Variants in PLCH2 observed in about 807,000 individuals in gnomAD.
PLCH2 encodes phospholipase C eta 2.
A neutral mutation model predicts 134.7 loss-of-function variants in PLCH2; 98 were observed. The observed-to-expected ratio is 0.73, with a 90% CI of 0.62 to 0.86. The LOEUF (loss-of-function observed/expected upper bound fraction) is 0.86. Ranked by LOEUF, PLCH2 falls within the 40% of genes least tolerant of loss-of-function variation. The pLI is 0.00. For missense variants in PLCH2, 1,994 were observed against 1,986.6 expected, an observed-to-expected ratio of 1.00 and a Z score of -0.07; for synonymous variants, 974 against 827.5, an observed-to-expected ratio of 1.18 and a Z score of -3.04.
intron 1 of PLCH2, among the ~76,000 whole-genome samples, chr1:2,477,932 G>C (rs945248009): frequency 6.6e-6 from 1 of 152,216 alleles, no homozygotes; most frequent in Non-Finnish European, 1.5e-5. Flanking sequence ...CCAGGGGCGG[G>C]GGCAGGGGCA....
rs937704679 is a variant in PLCH2, at chr1:2,503,258, C to T, written c.2960-664C>T. ...TTCCCCAAACTCACCTCCTGGGCGG[C>T]TGGCGACCTGCATGGCCCCTGATGC... On this transcript the variant is annotated intron_variant, in intron 21 of 21. Coordinates refer to ENST00000378486, the MANE Select transcript of PLCH2 (RefSeq NM_014638.4). 1.6e-5 allele frequency: 9 copies of T among 559,514 alleles called. No individual in the cohort carries two copies. In the South Asian group the frequency reaches 1.8e-4, roughly 11 times the overall value. The allele number at this position is 559,514 out of a possible 1,614,324, so 34.7% of individuals were successfully genotyped here. A position where few individuals can be genotyped will look rare whatever the true frequency, so the allele number is the denominator to read the frequency against.
upstream of PLCH2, among the ~76,000 whole-genome samples, chr1:2,465,087 G>T (rs1216037893): frequency 1.3e-5 from 2 of 152,218 alleles, no homozygotes; most frequent in African/African-American, 2.4e-5. Context: ...GAGGCACAGG[G>T]GAAGGGGGAT....
chr1:2,498,390 C>G lies in PLCH2; in HGVS notation c.2225-133C>G. On this transcript the variant is annotated intron_variant, in intron 16 of 21. Transcript: ENST00000378486. This position sits in a 1 kb window ranked among gnomAD's most constrained non-coding sequence, Gnocchi z 5.4. ...GAGGTGCCCCCCTGGACCACTGCCT[C>G]CCTCCCTCCCCCTGGCACCGGCTCC... 9.9e-7 allele frequency: 1 copy of G among 1,010,042 alleles called. No homozygotes were observed. The highest frequency in any genetic ancestry group is 1.4e-6 in the Non-Finnish European group (1 of 699,402). 62.6% of individuals were successfully genotyped at this position (1,010,042 alleles called of 1,614,324 possible). A position where few individuals can be genotyped will look rare whatever the true frequency, so the allele number is the denominator to read the frequency against.
intron 19 of PLCH2, 134 bp downstream of exon 19, chr1:2,499,364 G>A (rs1024471304): frequency 7.9e-6 from 9 of 1,144,036 alleles, no homozygotes; most frequent in East Asian, 5.1e-5. Flanking sequence ...AGCTGAGGAC[G>A]GGAGGAGAGC....
In PLCH2 at chr1:2,448,530, C is replaced by T. The variant is rs542024505; in HGVS notation, c.115+17901C>T. Among the ~76,000 whole-genome samples the T allele has an allele frequency of 4.6e-5, 7 of 152,182 alleles. No individual in the cohort carries two copies. The highest frequency in any genetic ancestry group is 1.4e-4 in the African/African-American group (6 of 41,434). On this transcript the variant is annotated intron_variant, in intron 2 of 3. Transcript: ENST00000609981. This position sits in a 1 kb window ranked among gnomAD's most constrained non-coding sequence, Gnocchi z 4.0. ...CTCGGCGCAGGCCTTTCACTGAGCA[C>T]GCCCTCAGAGACCCTTTTTCCAAAT...
chr1:2,476,702 C>T lies in PLCH2; in HGVS notation c.114C>T (p.Leu38=), dbSNP rs534933485. Residue 38 remains leucine, a synonymous_variant, in exon 1 of 22, where the codon CTC becomes CTT. Coordinates refer to ENST00000378486, the MANE Select transcript of PLCH2 (RefSeq NM_014638.4). The part of the protein sequence containing the change: ...GSVVLSSEWQ[L]GPLVERCMGA... ...TGGTGCTGTCTTCAGAGTGGCAGCT[C>T]GGCCCCCTGGGTAAGAAGGGGCAGG... The T allele has an allele frequency of 2.2e-5, 35 of 1,607,090 alleles. 1 individual carries two copies. Among genetic ancestry groups the T allele is most frequent in the South Asian group, 1.9e-4 (17 of 90,494 alleles).
At chr1:2,433,142 A>G (rs561639204) in intron 2 of PLCH2, among the ~76,000 whole-genome samples, 25 of 152,294 alleles carry the variant, frequency 1.6e-4, no homozygotes, top group African/African-American at 5.8e-4. Context: ...CTGAGCCAGC[A>G]AAGGTAAATG....
chr1:2,497,114 T>C, intron 15 of PLCH2, 104 bp downstream of exon 15: 2 of 1,161,524 alleles, frequency 1.7e-6, no homozygotes, highest in Non-Finnish European at 2.4e-6. Context: ...CTCGGTTCTG[T>C]CCTGGGCTCT....
chr1:2,418,975 C>T, the PLCH2 span, among the ~76,000 whole-genome samples: 2 of 152,224 alleles, frequency 1.3e-5, no homozygotes, highest in South Asian at 2.1e-4. Flanking sequence ...CTCCCCTACC[C>T]GAGAGAGGAC....
chr1:2,419,967 C>A, the PLCH2 span, among the ~76,000 whole-genome samples: 1 of 150,786 alleles, frequency 6.6e-6, no homozygotes, highest in East Asian at 2.0e-4. Context: ...CCAAGTCCCC[C>A]CCCCACCCCC....
exon 1 of PLCH2, chr1:2,467,637 C>T (rs568700969): frequency 8.8e-4 from 365 of 412,594 alleles, no homozygotes; most frequent in African/African-American, 7.0e-3. Context: ...AGCCTGGGCC[C>T]CCAGGTGGGC....
intron 5 of PLCH2, 112 bp from the exon 6 acceptor site, chr1:2,486,795 C>A: frequency 1.2e-6 from 1 of 819,650 alleles, no homozygotes; most frequent in Non-Finnish European, 2.0e-6. Flanking sequence ...TGGCCATGGT[C>A]ATCCCTGGTG....
upstream of PLCH2, chr1:2,425,850 A>G (rs1189581948): frequency 6.6e-6 from 1 of 152,190 alleles, no homozygotes; most frequent in Non-Finnish European, 1.5e-5. Context: ...ATACCTATGC[A>G]GCACACGGCC....
At chr1:2,477,550 GAGC>G (rs1641702013) in intron 1 of PLCH2, among the ~76,000 whole-genome samples, 1 of 152,174 alleles carries the variant, frequency 6.6e-6, no homozygotes, top group African/African-American at 2.4e-5. Context: ...GGCTTTCTGT[GAGC>G]AGGTGTGCAG....
intron 8 of PLCH2, 88 bp downstream of exon 8, chr1:2,487,806 C>T: frequency 7.7e-7 from 1 of 1,294,228 alleles, no homozygotes; most frequent in Non-Finnish European, 1.1e-6. Flanking sequence ...ACCCACATGT[C>T]CTTTCTTTGG....
upstream of PLCH2, among the ~76,000 whole-genome samples, chr1:2,425,647 G>A (rs1045687359): frequency 4.6e-5 from 7 of 151,710 alleles, no homozygotes; most frequent in African/African-American, 9.7e-5. Flanking sequence ...CCAAGTAGCC[G>A]GGATTACAGG....
rs1199860678 is a variant in PLCH2 at position 2,444,269 on chromosome 1, G to A, written c.115+13640G>A. 6.6e-6 allele frequency among the ~76,000 whole-genome samples: 1 copy of A among 152,234 alleles called. No homozygotes were observed. The highest frequency in any genetic ancestry group is 1.5e-5 in the Non-Finnish European group (1 of 68,032). On this transcript the variant is annotated intron_variant, in intron 2 of 3. Coordinates refer to the PLCH2 transcript ENST00000609981. The surrounding 1 kb of genome is among the most constrained non-coding windows in gnomAD (Gnocchi z 4.6). ...CGGAGGTCGCACTGGGGCTGTGACCGTGCTGAGAATGACCCCTGCTGAGCC... is the reference window on the plus strand; with the variant it reads ...CGGAGGTCGCACTGGGGCTGTGACCATGCTGAGAATGACCCCTGCTGAGCC...
chr1:2,472,900 C>T (rs575331909), upstream of PLCH2, among the ~76,000 whole-genome samples: 58 of 152,162 alleles, frequency 3.8e-4, no homozygotes, highest in East Asian at 9.7e-4. Flanking sequence ...AAAGCTGCCC[C>T]GGGTGTGTGT....
At chr1:2,436,980 G>A (rs995568723) in intron 2 of PLCH2, among the ~76,000 whole-genome samples, 3 of 152,194 alleles carry the variant, frequency 2.0e-5, no homozygotes, top group Admixed American at 1.3e-4. Flanking sequence ...GGTGAGCATG[G>A]GGACCTGAGG....
Sources: allele counts gnomAD v4.1 joint callset (sites outside exome capture counted in the v4.1 genomes callset), GRCh38; gene constraint gnomAD v4.1.1; non-coding constraint Gnocchi (gnomAD v3.1); transcripts MANE v1.5; gene names NCBI Gene and HGNC (gene_info 2026-07-23, HGNC 2026-07-21).